INTS6L: variants seen among roughly 807,000 people sequenced by gnomAD.
The protein encoded by INTS6L is integrator complex subunit 6-like.
Under a neutral mutation model 64.7 loss-of-function variants are expected in INTS6L, and 18 were observed. That is an observed-to-expected ratio of 0.28 (90% CI 0.19 to 0.41). The LOEUF (loss-of-function observed/expected upper bound fraction) is 0.41. INTS6L is among the 10% of genes least tolerant of loss of function. The probability of loss-of-function intolerance (pLI) is 1.00; values close to 1 mark genes in which losing one functional copy is unlikely to be tolerated. For missense variants in INTS6L, 533 were observed against 661.0 expected, an observed-to-expected ratio of 0.81 and a Z score of 2.12; for synonymous variants, 227 against 235.9, an observed-to-expected ratio of 0.96 and a Z score of 0.34.
intron 2 of INTS6L, among the ~76,000 whole-genome samples, chrX:135,528,471 G>T (rs965844081): frequency 5.4e-5 from 6 of 111,073 alleles, no homozygotes; most frequent in African/African-American, 2.0e-4. Flanking sequence ...AGGGTGAGGG[G>T]CTGAGGTGGC....
intron 9 of INTS6L, 128 bp from the exon 10 acceptor site, chrX:135,569,209 A>G (rs2087027553): frequency 2.9e-6 from 1 of 340,481 alleles, no homozygotes; most frequent in Admixed American, 5.9e-5. Flanking sequence ...CCACTAAAAA[A>G]GATAATCAAA....
At chrX:135,575,545 T>A (rs1556530383) in intron 14 of INTS6L, among the ~76,000 whole-genome samples, 2 of 112,320 alleles carry the variant, frequency 1.8e-5, no homozygotes, top group African/African-American at 3.2e-5. Flanking sequence ...GTCAAACGCC[T>A]TACCTGTGAC....
At chrX:135,561,582 G>A (rs1442965047) in intron 9 of INTS6L, among the ~76,000 whole-genome samples, 1 of 112,113 alleles carries the variant, frequency 8.9e-6, no homozygotes, top group Non-Finnish European at 1.9e-5. Flanking sequence ...CTGTTTTCTG[G>A]AAAAGATTGT....
intron 2 of INTS6L, among the ~76,000 whole-genome samples, chrX:135,534,686 T>TC (rs1449379489): frequency 4.7e-5 from 5 of 105,448 alleles, no homozygotes; most frequent in African/African-American, 7.0e-5. Context: ...TCTTTTCTTT[T>TC]TTTTTTTTTT....
At chrX:135,539,655 C>T (rs1323987937) in intron 2 of INTS6L, among the ~76,000 whole-genome samples, 1 of 112,323 alleles carries the variant, frequency 8.9e-6, no homozygotes, top group Non-Finnish European at 1.9e-5. Flanking sequence ...GCCTTCCTCA[C>T]TAAGTTTAAT....
Position 135,581,695 on chromosome X carries a change from A to G in INTS6L, c.*59A>G. On this transcript the variant is annotated 3_prime_UTR_variant, in exon 18 of 18. Transcript: ENST00000639893. ...TCTGTGCTGTAGGATGGAACAGGAT[A>G]TTGTTGAAGCCTCCTGGAATGTTTG... 1.0e-6 allele frequency: 1 copy of G among 981,578 alleles called. No individual in the cohort carries two copies. Among genetic ancestry groups the G allele is most frequent in the South Asian group, 2.1e-5 (1 of 47,955 alleles). 80.9% of individuals were successfully genotyped at this position (981,578 alleles called of 1,213,427 possible).
In INTS6L at chrX:135,581,870, T is replaced by C. The variant is rs1314801554; in HGVS notation, c.*234T>C. On this transcript the variant is annotated 3_prime_UTR_variant, in exon 18 of 18. Coordinates refer to ENST00000639893, the MANE Select transcript of INTS6L (RefSeq NM_001351601.3). The stretch of plus-strand genomic sequence containing the variant: ...TGTTTTCCTCAATTGAGGAAGCTGA[T>C]GTTATTAATTCACAGGCTAAATTCG... 3 of 308,586 alleles carry C rather than the reference T, an allele frequency of 9.7e-6. No homozygotes were observed. Among genetic ancestry groups the C allele is most frequent in the Non-Finnish European group, 1.7e-5 (3 of 177,291 alleles). 25.4% of individuals were successfully genotyped at this position (308,586 alleles called of 1,213,427 possible). A position where few individuals can be genotyped will look rare whatever the true frequency, so the allele number is the denominator to read the frequency against.
intron 2 of INTS6L, among the ~76,000 whole-genome samples, chrX:135,522,109 G>T (rs1409931586): frequency 9.0e-6 from 1 of 111,681 alleles, no homozygotes; most frequent in Admixed American, 9.4e-5. Flanking sequence ...GAATTGGCCA[G>T]GTTCAGCCCC....
Position 135,575,067 on chromosome X carries a change from T to C in INTS6L, c.1742-17T>C. Reference sequence around the variant, plus strand: ...CTTCAGCTATAAGCATCAATTTCTTTTCCTGTGATTTTGCAGATTCCCTTC... The same window carrying C: ...CTTCAGCTATAAGCATCAATTTCTTCTCCTGTGATTTTGCAGATTCCCTTC... On this transcript the variant is annotated splice_polypyrimidine_tract_variant and intron_variant, in intron 13 of 17. Coordinates refer to ENST00000639893, the MANE Select transcript of INTS6L (RefSeq NM_001351601.3). 1 of 1,207,016 alleles carries C rather than the reference T, an allele frequency of 8.3e-7. No individual in the cohort carries two copies. Among genetic ancestry groups the C allele is most frequent in the Non-Finnish European group, 1.1e-6 (1 of 893,549 alleles).
intron 2 of INTS6L, among the ~76,000 whole-genome samples, chrX:135,540,238 A>G (rs1279191401): frequency 8.9e-6 from 1 of 111,791 alleles, no homozygotes; most frequent in Non-Finnish European, 1.9e-5. Context: ...GCCATTTCCT[A>G]GTTGTCTGGC....
chrX:135,544,521 C>CA (rs2086306108), intron 2 of INTS6L, among the ~76,000 whole-genome samples: 2 of 111,265 alleles, frequency 1.8e-5, no homozygotes, highest in Non-Finnish European at 3.8e-5. Flanking sequence ...CTGCTGCTCT[C>CA]AGGCTCACCG....
At chrX:135,574,850 G>C (rs1225988361) in intron 13 of INTS6L, among the ~76,000 whole-genome samples, 1 of 112,046 alleles carries the variant, frequency 8.9e-6, no homozygotes, top group African/African-American at 3.2e-5. Context: ...TGGTTTGAAG[G>C]CAAGGGAGTT....
chrX:135,545,461 A>C lies in INTS6L; in HGVS notation c.228A>C (p.Glu76Asp). The change falls in exon 3 of 18, where the codon GAA (glutamate) becomes GAC (aspartate). Residue 76 changes from glutamate (E) to aspartate (D), a missense_variant. By Grantham distance (45) the Glu-to-Asp change is conservative. Coordinates refer to ENST00000639893, the MANE Select transcript of INTS6L (RefSeq NM_001351601.3). ...WKENHATFMS[E>D]LKNLQASGLT... ...AAAATCATGCAACATTCATGAGCGA[A>C]CTAAAAAATCTTCAGGCTTCTGGAC... The C allele has an allele frequency of 8.3e-7, 1 of 1,209,793 alleles. No individual in the cohort carries two copies. Among genetic ancestry groups the C allele is most frequent in the East Asian group, 3.0e-5 (1 of 33,825 alleles).
chrX:135,561,113 G>A (rs1247765269), intron 9 of INTS6L, among the ~76,000 whole-genome samples: 2 of 107,529 alleles, frequency 1.9e-5, no homozygotes, highest in Admixed American at 2.0e-4. Context: ...CACCCTGCCT[G>A]GCTAATTTTC....
intron 2 of INTS6L, among the ~76,000 whole-genome samples, chrX:135,536,743 A>G (rs2148589012): frequency 9.0e-6 from 1 of 111,650 alleles, no homozygotes; most frequent in South Asian, 3.8e-4. Flanking sequence ...GTATTAGGAT[A>G]CTGAGGGATA....
chrX:135,547,043 A>G, intron 5 of INTS6L, 94 bp from the exon 6 acceptor site: 4 of 1,136,991 alleles, frequency 3.5e-6, no homozygotes, highest in Non-Finnish European at 4.7e-6. Context: ...TGTAGTTATG[A>G]TTATTTCAAG....
At chrX:135,523,249 A>G (rs2085638268) in intron 2 of INTS6L, among the ~76,000 whole-genome samples, 1 of 109,082 alleles carries the variant, frequency 9.2e-6, no homozygotes, top group South Asian at 4.1e-4. Context: ...AAACAAAAAA[A>G]AAAACGGCCG....
In INTS6L at chrX:135,577,086, G is replaced by A. The variant is rs1205305232; in HGVS notation, c.1885-107G>A. ...AAATGAAAGAAAAAAAGACATATTC[G>A]TGATATAATGCAAGATTGATTATGT... On this transcript the variant is annotated intron_variant, in intron 14 of 17. Transcript: ENST00000639893. 4.1e-5 allele frequency: 29 copies of A among 710,529 alleles called. 1 individual carries two copies. The African/African-American group carries it at 4.1e-4, about 10-fold the overall frequency. 58.6% of individuals were successfully genotyped at this position (710,529 alleles called of 1,213,427 possible).
At chrX:135,572,745 T>C in intron 11 of INTS6L, 70 bp from the exon 12 acceptor site, 1 of 919,483 alleles carries the variant, frequency 1.1e-6, no homozygotes, top group East Asian at 3.2e-5. Context: ...AAGTATTATC[T>C]TTCTTAAGTA....
Sources: gnomAD v4.1 joint callset for allele counts (sites outside exome capture counted in the v4.1 genomes callset) on GRCh38, gnomAD v4.1.1 for gene constraint, MANE v1.5 for transcripts, NCBI Gene and HGNC (gene_info 2026-07-23, HGNC 2026-07-21) for gene names.